The following KANK2 variants were observed in gnomAD, a reference collection of about 807,000 sequenced individuals.
KANK2 encodes the protein KN motif and ankyrin repeat domains 2.
In KANK2, 41 loss-of-function variants were observed where a neutral mutation model predicts 74.6. The ratio of observed to expected loss-of-function variants is 0.55; its 90% confidence interval spans 0.43 to 0.71. The LOEUF (loss-of-function observed/expected upper bound fraction) is 0.71. Among genes scored for constraint, KANK2 ranks in the 30% least tolerant of loss-of-function variants. KANK2 has a pLI of 0.00. For synonymous variants in KANK2, 537 were observed against 519.0 expected, an observed-to-expected ratio of 1.03 and a Z score of -0.47; for missense variants, 1,148 against 1,196.4, an observed-to-expected ratio of 0.96 and a Z score of 0.60.
intron 9 of KANK2, among the ~76,000 whole-genome samples, chr19:11,174,062 G>A (rs1275677572): frequency 6.6e-6 from 1 of 151,288 alleles, no homozygotes; most frequent in Non-Finnish European, 1.5e-5. Flanking sequence ...TCCCCCATCA[G>A]ACTGGGGAGG....
At chr19:11,188,853 G>T (rs893747086) in intron 4 of KANK2, among the ~76,000 whole-genome samples, 2 of 151,772 alleles carry the variant, frequency 1.3e-5, no homozygotes, top group African/African-American at 4.8e-5. Flanking sequence ...GTGTGGTGGT[G>T]GGTGCCTGTA....
In KANK2 at chr19:11,193,322, G is replaced by A. The variant is rs1191846026; in HGVS notation, c.758C>T (p.Pro253Leu). Reference protein sequence around the residue: ...RGRSELCLDLPDPPEDPVALE... With the variant: ...RGRSELCLDLLDPPEDPVALE... ...TGCCACTGGGTCCTCTGGGGGATCG[G>A]GGAGGTCCAGGCAGAGCTCGCTGCG... Residue 253 changes from proline (P) to leucine (L), a missense_variant, in exon 4 of 13, where the codon CCC becomes CTC. Coordinates refer to ENST00000586659, the MANE Select transcript of KANK2 (RefSeq NM_001136191.3). This position sits in a 1 kb window ranked among gnomAD's most constrained non-coding sequence, Gnocchi z 9.6. 2.5e-6 allele frequency: 4 copies of A among 1,612,688 alleles called. No homozygotes were observed. The highest frequency in any genetic ancestry group is 2.5e-6 in the Non-Finnish European group (3 of 1,179,936).
At chr19:11,178,850 G>T (rs1383082295) in intron 4 of KANK2, 130 bp from the exon 5 acceptor site, 2 of 769,048 alleles carry the variant, frequency 2.6e-6, no homozygotes, top group Admixed American at 4.0e-5. Flanking sequence ...CAGTCTTCCT[G>T]CCCCTTGGAG....
intron 9 of KANK2, among the ~76,000 whole-genome samples, 166 bp downstream of exon 9, chr19:11,174,307 G>A (rs1600809263): frequency 1.3e-5 from 2 of 152,258 alleles, no homozygotes; most frequent in South Asian, 4.1e-4. Flanking sequence ...GGTGGCATCT[G>A]CCACATCAGA....
rs563033225 is a variant in KANK2 at position 11,173,252 on chromosome 19, A to C, written c.2069-129T>G. On this transcript the variant is annotated intron_variant, in intron 9 of 12. Transcript: ENST00000586659. ...TCCCTCCCTTTTCTCAGAGGACCCC[A>C]CTCTGCCCTAGAGGTCTCCATCTCC... 4 of 919,964 alleles carry C rather than the reference A, an allele frequency of 4.3e-6. No individual in the cohort carries two copies. In the East Asian group the frequency reaches 8.0e-5, roughly 18 times the overall value. The allele number at this position is 919,964 out of a possible 1,614,324, so 57.0% of individuals were successfully genotyped here. A position where few individuals can be genotyped will look rare whatever the true frequency, so the allele number is the denominator to read the frequency against.
rs934422405 is a variant in KANK2, at chr19:11,165,272, G to A, written c.*1286C>T. The A allele has an allele frequency of 2.6e-5, 4 of 152,206 alleles. No individual in the cohort carries two copies. Among genetic ancestry groups the A allele is most frequent in the Non-Finnish European group, 4.4e-5 (3 of 68,052 alleles). The allele number at this position is 152,206 out of a possible 1,614,324, so 9.4% of individuals were successfully genotyped here. On this transcript the variant is annotated 3_prime_UTR_variant, in exon 13 of 13. Coordinates refer to ENST00000586659, the MANE Select transcript of KANK2 (RefSeq NM_001136191.3). ...CCCTGTCTCTTGAAGTTTGCGCTGG[G>A]AGGCCTGGGGACGGCCAACTTTTAA...
chr19:11,191,507 C>T (rs936310328), intron 4 of KANK2, among the ~76,000 whole-genome samples: 2 of 152,212 alleles, frequency 1.3e-5, no homozygotes, highest in African/African-American at 4.8e-5. Flanking sequence ...TTGGGTGGGG[C>T]TCCCCTACCC....
At chr19:11,182,138 A>G (rs543542997) in intron 4 of KANK2, among the ~76,000 whole-genome samples, 68 of 151,512 alleles carry the variant, frequency 4.5e-4, no homozygotes, top group Non-Finnish European at 7.5e-4. Flanking sequence ...CTGGTCTTGA[A>G]CTCCCAATCT....
intron 4 of KANK2, among the ~76,000 whole-genome samples, chr19:11,185,254 C>T (rs1193545348): frequency 1.4e-5 from 2 of 145,662 alleles, no homozygotes; most frequent in Non-Finnish European, 3.0e-5. Context: ...ACCCCATCTC[C>T]ACAACAACAA....
At chr19:11,194,163 C>G in intron 3 of KANK2, 121 bp from the exon 4 acceptor site, 2 of 1,083,258 alleles carry the variant, frequency 1.8e-6, no homozygotes, top group Non-Finnish European at 2.6e-6. Flanking sequence ...ACCTGGTACT[C>G]AACCGCGTCT....
At chr19:11,191,173 T>C (rs2078833290) in intron 4 of KANK2, among the ~76,000 whole-genome samples, 1 of 151,766 alleles carries the variant, frequency 6.6e-6, no homozygotes, top group Non-Finnish European at 1.5e-5. Context: ...CCGGAGTAGC[T>C]GGGACTACAG....
intron 4 of KANK2, among the ~76,000 whole-genome samples, chr19:11,185,304 C>T (rs2078645320): frequency 6.7e-6 from 1 of 148,396 alleles, no homozygotes. Flanking sequence ...CCTGCCTCAG[C>T]CTCCCAAGTA....
rs1015956651 is a variant in KANK2, at chr19:11,178,380, G to A, written c.1485C>T (p.His495=). 6 of 1,539,950 alleles carry A rather than the reference G, an allele frequency of 3.9e-6. No individual in the cohort carries two copies. In the Admixed American group the frequency reaches 6.8e-5, roughly 18 times the overall value. The change falls in exon 6 of 13, where the codon CAC becomes CAT. Residue 495 remains histidine (H), a synonymous_variant. Coordinates refer to ENST00000586659, the MANE Select transcript of KANK2 (RefSeq NM_001136191.3). ...CCCCCACGAACTGGAGGCTCCTCCGGTGGGCCGTGGGGTCTGCAACCTCCT... is the reference window on the plus strand; with the variant it reads ...CCCCCACGAACTGGAGGCTCCTCCGATGGGCCGTGGGGTCTGCAACCTCCT... ...RKEEVADPTA[H]RRSLQFVGVN...
In KANK2 at chr19:11,179,653, A is replaced by T. The variant is rs1457958321; in HGVS notation, c.1250-933T>A. Among the ~76,000 whole-genome samples, 3 of 152,042 alleles carry T rather than the reference A, an allele frequency of 2.0e-5. No homozygotes were observed. The South Asian group carries it at 6.2e-4, about 32-fold the overall frequency. On this transcript the variant is annotated intron_variant, in intron 4 of 12. Coordinates refer to ENST00000586659, the MANE Select transcript of KANK2 (RefSeq NM_001136191.3). ...ACTGTCCTGAAAATAAAAAATAAAA[A>T]AAAAAAACACATCCTGACTAAAAAA... is the stretch of plus-strand genomic sequence containing the variant.
intron 4 of KANK2, among the ~76,000 whole-genome samples, chr19:11,187,419 A>G (rs903853168): frequency 2.0e-5 from 3 of 152,188 alleles, no homozygotes; most frequent in South Asian, 2.1e-4. Flanking sequence ...AAACACGCAC[A>G]AGGCATATTT....
chr19:11,175,769 C>T (rs1213159526), intron 8 of KANK2, 133 bp downstream of exon 8: 7 of 601,266 alleles, frequency 1.2e-5, no homozygotes, highest in African/African-American at 1.8e-5. Context: ...CCACCACCCC[C>T]ATGCTCTGGG....
intron 8 of KANK2, among the ~76,000 whole-genome samples, chr19:11,175,427 C>CAAAAAAAAAA (rs753933217): frequency 5.3e-4 from 8 of 14,974 alleles, no homozygotes; most frequent in African/African-American, 9.3e-4. Context: ...GACTCCCTCT[C>CAAAAAAAAAA]AAAAAAAAAA....
chr19:11,197,718 G>GT (rs1345227638), upstream of KANK2: 8 of 152,062 alleles, frequency 5.3e-5, no homozygotes, highest in South Asian at 1.0e-3. Context: ...TGGACAGCAG[G>GT]TGTGTGTGCG....
chr19:11,190,208 C>T (rs1349419413), intron 4 of KANK2, among the ~76,000 whole-genome samples: 1 of 152,140 alleles, frequency 6.6e-6, no homozygotes, highest in East Asian at 1.9e-4. Flanking sequence ...GACCTCGGCC[C>T]AATGCAACCT....
Sources: allele counts gnomAD v4.1 joint callset (sites outside exome capture counted in the v4.1 genomes callset), GRCh38; gene constraint gnomAD v4.1.1; non-coding constraint Gnocchi (gnomAD v3.1); transcripts MANE v1.5; gene names NCBI Gene and HGNC (gene_info 2026-07-23, HGNC 2026-07-21).